The following PTPRT variants were observed in gnomAD, a reference collection of about 807,000 sequenced individuals.
The protein encoded by PTPRT is receptor-type tyrosine-protein phosphatase T.
Under a neutral mutation model 176.8 loss-of-function variants are expected in PTPRT, and 56 were observed. That is an observed-to-expected ratio of 0.32 (90% CI 0.26 to 0.40). PTPRT has a LOEUF of 0.40. PTPRT is among the 10% of genes least tolerant of loss of function. The pLI is 1.00. For synonymous variants in PTPRT, 783 were observed against 739.0 expected, an observed-to-expected ratio of 1.06 and a Z score of -0.96; for missense variants, 1,540 against 1,908.2, an observed-to-expected ratio of 0.81 and a Z score of 3.60.
intron 7 of PTPRT, among the ~76,000 whole-genome samples, chr20:42,573,531 G>A (rs990822282): frequency 1.3e-5 from 2 of 152,150 alleles, no homozygotes. Context: ...ATTGTAGCCT[G>A]TAGCCCAAGT....
At chr20:42,620,399 T>G (rs1356700957) in intron 7 of PTPRT, among the ~76,000 whole-genome samples, 3 of 149,824 alleles carry the variant, frequency 2.0e-5, no homozygotes, top group Non-Finnish European at 3.0e-5. Flanking sequence ...TTTTTGTTTG[T>G]CTGTGCCCTG....
chr20:42,684,344 CA>C (rs981825636), intron 6 of PTPRT, among the ~76,000 whole-genome samples: 143 of 136,184 alleles, frequency 1.1e-3, no homozygotes, highest in African/African-American at 1.1e-3. Flanking sequence ...GACTCTGTCT[CA>C]AAAAAAAAAA....
intron 15 of PTPRT, among the ~76,000 whole-genome samples, chr20:42,221,993 T>C (rs548917949): frequency 1.3e-5 from 2 of 151,690 alleles, no homozygotes; most frequent in Non-Finnish European, 2.9e-5. Flanking sequence ...CCAAACCACA[T>C]CAGTTGGTTT....
intron 2 of PTPRT, among the ~76,000 whole-genome samples, chr20:42,833,409 G>C (rs2145700442): frequency 6.6e-6 from 1 of 151,228 alleles, no homozygotes; most frequent in Non-Finnish European, 1.5e-5. Flanking sequence ...CCCCATCTCT[G>C]AAAAAATAAA....
intron 2 of PTPRT, among the ~76,000 whole-genome samples, chr20:42,809,655 C>G (rs1157388850): frequency 6.6e-6 from 1 of 152,170 alleles, no homozygotes; most frequent in African/African-American, 2.4e-5. Context: ...TTGCCTCTTG[C>G]AGCCCGTGGT....
At chr20:42,693,543 G>A (rs34130646) in intron 6 of PTPRT, among the ~76,000 whole-genome samples, 13,597 of 152,082 alleles carry the variant, frequency 0.089, 677 homozygotes, top group Admixed American at 0.12. Context: ...AACAATGGAG[G>A]CAAGAAACAA....
At position 42,110,430 on chromosome 20, in the gene PTPRT, G is replaced by A. The variant is rs2146291869; in HGVS notation, c.3157C>T (p.His1053Tyr). Residue 1053 changes from histidine (H) to tyrosine (Y), a missense_variant, in exon 23 of 31, where the codon CAC becomes TAC. His to Tyr is a moderately conservative substitution (Grantham distance 83). Transcript: ENST00000373187. ...CCAGTGGCATAGCAGGGAACGCCGT[G>A]GTCAGGCCAGCTGGTGAAGTGGAAG... Reference protein sequence around the residue: ...RLFHFTSWPDHGVPCYATGLL... With the variant: ...RLFHFTSWPDYGVPCYATGLL... 1.2e-6 allele frequency: 2 copies of A among 1,612,752 alleles called. No individual in the cohort carries two copies. Among genetic ancestry groups the A allele is most frequent in the Non-Finnish European group, 1.7e-6 (2 of 1,178,990 alleles).
intron 2 of PTPRT, among the ~76,000 whole-genome samples, chr20:42,807,984 T>C (rs2077637263): frequency 6.6e-6 from 1 of 152,296 alleles, no homozygotes; most frequent in Non-Finnish European, 1.5e-5. Context: ...ACACAGTCTT[T>C]AGCAGTAGCC....
At chr20:43,113,408 A>G (rs533522975) in intron 1 of PTPRT, among the ~76,000 whole-genome samples, 2 of 152,348 alleles carry the variant, frequency 1.3e-5, no homozygotes, top group East Asian at 1.9e-4. Flanking sequence ...TTCACTTTTC[A>G]TAAGTTATTT....
At chr20:42,936,274 T>C (rs1034657185) in intron 1 of PTPRT, among the ~76,000 whole-genome samples, 1 of 152,114 alleles carries the variant, frequency 6.6e-6, no homozygotes, top group African/African-American at 2.4e-5. Flanking sequence ...AGGTAACATT[T>C]GAGCAAAATC....
At chr20:43,147,451 C>G (rs1362167654) in intron 1 of PTPRT, among the ~76,000 whole-genome samples, 4 of 152,156 alleles carry the variant, frequency 2.6e-5, no homozygotes, top group Non-Finnish European at 5.9e-5. Context: ...CTCATTCTAC[C>G]TCCCCCATCA....
chr20:42,817,842 G>A (rs1211646518), intron 2 of PTPRT, among the ~76,000 whole-genome samples: 1 of 152,144 alleles, frequency 6.6e-6, no homozygotes, highest in Non-Finnish European at 1.5e-5. Context: ...AATAACTCCA[G>A]CTAGAGGCTC....
chr20:43,069,306 T>C (rs757695778), intron 1 of PTPRT, among the ~76,000 whole-genome samples: 6 of 152,224 alleles, frequency 3.9e-5, no homozygotes, highest in Admixed American at 6.5e-5. Flanking sequence ...ATGTTACTAC[T>C]ACTCAAGGTC....
At chr20:42,278,050 T>G (rs2057073027) in intron 13 of PTPRT, among the ~76,000 whole-genome samples, 1 of 115,840 alleles carries the variant, frequency 8.6e-6, no homozygotes, top group Non-Finnish European at 1.7e-5. Context: ...AGCAGGGAGA[T>G]AGACATTAAA....
chr20:42,068,290 A>C (rs1982163741), downstream of PTPRT, among the ~76,000 whole-genome samples: 2 of 152,198 alleles, frequency 1.3e-5, no homozygotes, highest in Admixed American at 1.3e-4. Context: ...AAATCTGAAG[A>C]AGCATGCTTG....
At position 43,166,220 on chromosome 20, in the gene PTPRT, G is replaced by A. The variant is rs556024377; in HGVS notation, c.88+23426C>T. Among the ~76,000 whole-genome samples the A allele has an allele frequency of 2.6e-4, 39 of 152,016 alleles. 1 individual carries two copies. Among genetic ancestry groups the A allele is most frequent in the Non-Finnish European group, 4.6e-4 (31 of 67,970 alleles). The stretch of plus-strand genomic sequence containing the variant: ...TGCACACCTGTAATCCCAGCTACTC[G>A]GGAGGCTGAGGCAGGAGAATCACTT... On this transcript the variant is annotated intron_variant, in intron 1 of 30. Coordinates refer to ENST00000373187, the MANE Select transcript of PTPRT (RefSeq NM_007050.6).
chr20:42,872,578 A>C (rs2078863850), intron 2 of PTPRT, among the ~76,000 whole-genome samples: 1 of 152,218 alleles, frequency 6.6e-6, no homozygotes, highest in African/African-American at 2.4e-5. Context: ...TTAGGACCAC[A>C]GGAGTCTTCA....
chr20:42,282,547 T>C (rs1227767287), intron 12 of PTPRT, 22 bp from the exon 13 acceptor site: 1 of 1,594,166 alleles, frequency 6.3e-7, no homozygotes, highest in South Asian at 1.1e-5. Context: ...AAAAATGAGA[T>C]GCCAATTAAT....
intron 7 of PTPRT, among the ~76,000 whole-genome samples, chr20:42,526,015 T>G (rs2072261681): frequency 7.6e-6 from 1 of 131,142 alleles, no homozygotes; most frequent in Non-Finnish European, 1.6e-5. Context: ...ATGGAGAGTG[T>G]TTTTTTTTTT....
Sources: allele counts gnomAD v4.1 joint callset (sites outside exome capture counted in the v4.1 genomes callset), GRCh38; gene constraint gnomAD v4.1.1; transcripts MANE v1.5; gene names NCBI Gene and HGNC (gene_info 2026-07-23, HGNC 2026-07-21).